THEMIS: variants seen among roughly 807,000 people sequenced by gnomAD.
THEMIS encodes protein THEMIS.
Under a neutral mutation model 52.6 loss-of-function variants are expected in THEMIS, and 37 were observed. The observed-to-expected ratio is 0.70, with a 90% confidence interval of 0.54 to 0.93. The LOEUF is 0.93. Among genes scored for constraint, THEMIS ranks in the 40% least tolerant of loss-of-function variants. THEMIS has a pLI of 0.00. For missense variants in THEMIS, 808 were observed against 763.1 expected (o/e 1.06, Z -0.69); for synonymous variants, 292 against 272.7 (o/e 1.07, Z -0.70).
intron 4 of THEMIS, among the ~76,000 whole-genome samples, chr6:127,747,366 ATATTATAT>A (rs1562231790): frequency 6.9e-6 from 1 of 144,788 alleles, no homozygotes; most frequent in African/African-American, 2.5e-5. Context: ...ATATAATATA[ATATTATAT>A]TATATATTAT....
At chr6:127,903,142 G>A (rs533381361), upstream of THEMIS, among the ~76,000 whole-genome samples, 137 of 151,878 alleles carry the variant, frequency 9.0e-4, 1 homozygote, top group African/African-American at 3.1e-3. Flanking sequence ...TTCTCTAGCC[G>A]TTAAATCCAT....
chr6:127,792,831 G>C (rs1489979935), intron 4 of THEMIS, among the ~76,000 whole-genome samples: 1 of 152,202 alleles, frequency 6.6e-6, no homozygotes, highest in Non-Finnish European at 1.5e-5. Flanking sequence ...TAGCTGCACA[G>C]ACAATGAGAA....
intron 4 of THEMIS, among the ~76,000 whole-genome samples, chr6:127,753,009 C>T (rs1775699728): frequency 5.3e-5 from 8 of 151,892 alleles, no homozygotes; most frequent in Admixed American, 5.3e-4. Context: ...GATGCTTCAA[C>T]ATATGCAAAT....
intron 1 of THEMIS, among the ~76,000 whole-genome samples, chr6:127,914,707 A>G (rs1046056539): frequency 6.6e-6 from 1 of 152,226 alleles, no homozygotes; most frequent in African/African-American, 2.4e-5. Context: ...TTGACCAAAC[A>G]TTAATATAAG....
At chr6:127,902,463 C>G (rs1298521963), upstream of THEMIS, among the ~76,000 whole-genome samples, 2 of 151,506 alleles carry the variant, frequency 1.3e-5, no homozygotes, top group Non-Finnish European at 2.9e-5. Context: ...CTGCAGAGAG[C>G]ATAGCCACAT....
At chr6:127,732,066 G>A (rs1297603707) in intron 4 of THEMIS, among the ~76,000 whole-genome samples, 1 of 150,482 alleles carries the variant, frequency 6.6e-6, no homozygotes, top group Non-Finnish European at 1.5e-5. Flanking sequence ...ATGTTACGCA[G>A]TATTGGATTG....
intron 1 of THEMIS, among the ~76,000 whole-genome samples, chr6:127,864,664 A>T (rs145800245): frequency 1.3e-5 from 2 of 152,218 alleles, no homozygotes; most frequent in East Asian, 3.9e-4. Flanking sequence ...CCATCCTAAC[A>T]AATACTAAAT....
chr6:127,773,925 TAA>T, intron 4 of THEMIS, among the ~76,000 whole-genome samples: 1 of 152,196 alleles, frequency 6.6e-6, no homozygotes, highest in Non-Finnish European at 1.5e-5. Context: ...CAAAACTTAA[TAA>T]TTTAAAACGA....
intron 4 of THEMIS, among the ~76,000 whole-genome samples, chr6:127,758,486 C>T (rs1171530351): frequency 1.3e-5 from 2 of 148,242 alleles, no homozygotes; most frequent in Admixed American, 1.3e-4. Flanking sequence ...AAGAATAGCC[C>T]TAATGCCTCA....
chr6:127,880,058 T>C (rs1042345420), intron 1 of THEMIS, among the ~76,000 whole-genome samples: 2 of 152,200 alleles, frequency 1.3e-5, no homozygotes, highest in African/African-American at 4.8e-5. Flanking sequence ...TTAGGTGCCA[T>C]CTCTATTATT....
chr6:127,883,360 C>A (rs1187983062), intron 1 of THEMIS, among the ~76,000 whole-genome samples: 1 of 151,536 alleles, frequency 6.6e-6, no homozygotes, highest in African/African-American at 2.4e-5. Flanking sequence ...TATTAATAAT[C>A]TCACAAGAGA....
chr6:127,737,239 T>C (rs540790953), intron 4 of THEMIS, among the ~76,000 whole-genome samples: 1 of 152,318 alleles, frequency 6.6e-6, no homozygotes, highest in East Asian at 1.9e-4. Flanking sequence ...CAGGATTTCA[T>C]GGCTTTAGGA....
At chr6:127,854,955 GT>G (rs1779566998) in intron 2 of THEMIS, 74 bp downstream of exon 2, 2 of 1,275,454 alleles carry the variant, frequency 1.6e-6, no homozygotes, top group African/African-American at 1.6e-5. Context: ...TTTTTTTCTT[GT>G]TTTTGGTTGT....
chr6:127,886,347 C>G (rs1316096178), intron 1 of THEMIS, among the ~76,000 whole-genome samples: 2 of 152,122 alleles, frequency 1.3e-5, no homozygotes, highest in Non-Finnish European at 2.9e-5. Context: ...AGAGAAAACT[C>G]TCCCAAAATA....
At chr6:127,774,456 C>T (rs1179399051) in intron 4 of THEMIS, among the ~76,000 whole-genome samples, 1 of 152,190 alleles carries the variant, frequency 6.6e-6, no homozygotes, top group Non-Finnish European at 1.5e-5. Flanking sequence ...CCACATGTCT[C>T]GGCCTCCCAA....
At position 127,854,404 on chromosome 6, in the gene THEMIS, T is replaced by C. The variant is rs185313879; in HGVS notation, c.250+626A>G. Among the ~76,000 whole-genome samples, 303 of 151,848 alleles carry C rather than the reference T, an allele frequency of 2.0e-3. 3 individuals carry two copies. Among genetic ancestry groups the C allele is most frequent in the South Asian group, 2.1e-3 (10 of 4,824 alleles). ...CTGCCAACCCCTAGTGTAAAAAATA[T>C]GGCAAATGAGAAAGTCATCAATGAC... On this transcript the variant is annotated intron_variant, in intron 2 of 5. Transcript: ENST00000368248.
At position 127,769,455 on chromosome 6, in the gene THEMIS, C is replaced by T. The variant is rs1278466757; in HGVS notation, c.1758+43428G>A. Among the ~76,000 whole-genome samples the T allele has an allele frequency of 2.0e-5, 3 of 151,626 alleles. No homozygotes were observed. In the South Asian group the frequency reaches 6.2e-4, roughly 32 times the overall value. ...AGGCACTTACTAAATACATTTCATC[C>T]CTCATTTTACAAGTGAAGAGAGAGT... On this transcript the variant is annotated intron_variant, in intron 4 of 5. Coordinates refer to ENST00000368248, the MANE Select transcript of THEMIS (RefSeq NM_001010923.3).
intron 4 of THEMIS, among the ~76,000 whole-genome samples, chr6:127,787,736 G>T (rs1469876055): frequency 6.6e-6 from 1 of 151,970 alleles, no homozygotes; most frequent in Non-Finnish European, 1.5e-5. Flanking sequence ...AATGACATCT[G>T]TATTATCTAA....
chr6:127,826,287 T>C (rs1778503869), intron 3 of THEMIS, among the ~76,000 whole-genome samples: 1 of 152,154 alleles, frequency 6.6e-6, no homozygotes, highest in Non-Finnish European at 1.5e-5. Flanking sequence ...TTTTGGACTT[T>C]GATAAACATT....
Sources: allele counts gnomAD v4.1 joint callset (sites outside exome capture counted in the v4.1 genomes callset), GRCh38; gene constraint gnomAD v4.1.1; transcripts MANE v1.5; gene names NCBI Gene and HGNC (gene_info 2026-07-23, HGNC 2026-07-21).